Variants in TEC observed in about 807,000 individuals in gnomAD.
TEC encodes the protein tec protein tyrosine kinase.
Under a neutral mutation model 93.0 loss-of-function variants are expected in TEC, and 72 were observed. The ratio of observed to expected loss-of-function variants is 0.77; its 90% confidence interval spans 0.64 to 0.94. The LOEUF is 0.94. Among genes scored for constraint, TEC ranks in the 40% least tolerant of loss-of-function variants. The pLI is 0.00. For missense variants in TEC, 630 were observed against 757.9 expected, an observed-to-expected ratio of 0.83 and a Z score of 1.98; for synonymous variants, 249 against 247.7, an observed-to-expected ratio of 1.01 and a Z score of -0.05.
At chr4:48,190,920 AT>A (rs1722071740) in intron 2 of TEC, among the ~76,000 whole-genome samples, 1 of 152,228 alleles carries the variant, frequency 6.6e-6, no homozygotes, top group African/African-American at 2.4e-5. Flanking sequence ...ATACACAGCA[AT>A]TGACTATGCT....
At chr4:48,236,944 T>C (rs1363190569) in intron 1 of TEC, among the ~76,000 whole-genome samples, 1 of 152,238 alleles carries the variant, frequency 6.6e-6, no homozygotes, top group Non-Finnish European at 1.5e-5. Flanking sequence ...CCAATGGCCC[T>C]GATCTGATCA....
At chr4:48,183,446 G>A (rs1452864974) in intron 2 of TEC, among the ~76,000 whole-genome samples, 2 of 152,218 alleles carry the variant, frequency 1.3e-5, no homozygotes, top group Non-Finnish European at 2.9e-5. Flanking sequence ...TCAGCTGAGT[G>A]AGTAAAGAAG....
At chr4:48,172,868 T>C (rs551634838) in intron 3 of TEC, among the ~76,000 whole-genome samples, 51 of 152,290 alleles carry the variant, frequency 3.3e-4, no homozygotes, top group Non-Finnish European at 6.6e-4. Context: ...ACCAACTCTG[T>C]ACAGAAGGAA....
intron 1 of TEC, among the ~76,000 whole-genome samples, chr4:48,268,504 C>A (rs1364112118): frequency 6.6e-6 from 1 of 152,236 alleles, no homozygotes; most frequent in African/African-American, 2.4e-5. Context: ...CTAAAAAATA[C>A]TTTCAAATAC....
chr4:48,144,035 A>G (rs764100316), intron 14 of TEC, among the ~76,000 whole-genome samples: 5 of 152,066 alleles, frequency 3.3e-5, no homozygotes, highest in Non-Finnish European at 5.9e-5. Flanking sequence ...GACCAGTCTG[A>G]GCAACACGGT....
intron 1 of TEC, among the ~76,000 whole-genome samples, chr4:48,246,467 G>GAAAAA (rs34988086): frequency 7.5e-6 from 1 of 133,362 alleles, no homozygotes. Flanking sequence ...AAACTATCTT[G>GAAAAA]AAAAAAAAAA....
chr4:48,194,308 C>T (rs1722210496), intron 2 of TEC, among the ~76,000 whole-genome samples: 2 of 152,214 alleles, frequency 1.3e-5, no homozygotes, highest in South Asian at 4.1e-4. Context: ...GAGGCATGCA[C>T]ACAATTATGG....
At chr4:48,223,685 T>C (rs1428827633) in intron 2 of TEC, among the ~76,000 whole-genome samples, 2 of 152,194 alleles carry the variant, frequency 1.3e-5, no homozygotes, top group African/African-American at 4.8e-5. Flanking sequence ...GAGGCTGCTG[T>C]CCCAAGAAAG....
At chr4:48,193,568 T>C (rs932403799) in intron 2 of TEC, among the ~76,000 whole-genome samples, 2 of 152,218 alleles carry the variant, frequency 1.3e-5, no homozygotes, top group African/African-American at 2.4e-5. Context: ...TGGTTATCAT[T>C]GGATATGTTA....
Position 48,138,729 on chromosome 4 carries a change from C to T in TEC, c.1748G>A (p.Arg583Gln), listed in dbSNP as rs765971294. The change falls in exon 17 of 18, where the codon CGA (arginine) becomes CAA (glutamine). Residue 583 changes from arginine (R) to glutamine (Q), a missense_variant. Physicochemically the swap from Arg to Gln is conservative, Grantham distance 43. Transcript: ENST00000381501. ...GGACGCCAACTTCGGCTGGTAGAGT[C>T]GGTGGCCTCGAGTAACCATGGTTAC... ...EVVTMVTRGH[R>Q]LYQPKLASNY... The T allele has an allele frequency of 3.7e-6, 6 of 1,614,170 alleles. No individual in the cohort carries two copies. Among genetic ancestry groups the T allele is most frequent in the South Asian group, 3.3e-5 (3 of 91,080 alleles).
chr4:48,154,590 A>G (rs1720318517), intron 9 of TEC, among the ~76,000 whole-genome samples: 1 of 152,202 alleles, frequency 6.6e-6, no homozygotes, highest in Non-Finnish European at 1.5e-5. Flanking sequence ...TTGCTTAAGA[A>G]AAAGTAATTT....
chr4:48,158,917 T>C (rs1355536909), intron 8 of TEC, among the ~76,000 whole-genome samples: 1 of 152,172 alleles, frequency 6.6e-6, no homozygotes, highest in Non-Finnish European at 1.5e-5. Context: ...GGATGTTCCC[T>C]TCTTTGGGAT....
intron 9 of TEC, among the ~76,000 whole-genome samples, chr4:48,156,175 A>C (rs1720391217): frequency 6.6e-6 from 1 of 152,236 alleles, no homozygotes; most frequent in Non-Finnish European, 1.5e-5. Flanking sequence ...TTCAAGGTGT[A>C]GCGTGTAGGA....
chr4:48,207,090 A>T (rs1170163181), intron 2 of TEC, among the ~76,000 whole-genome samples: 1 of 152,222 alleles, frequency 6.6e-6, no homozygotes, highest in Non-Finnish European at 1.5e-5. Context: ...CTATGCCTTA[A>T]AGAATGTGTA....
chr4:48,217,640 C>G (rs761180287), intron 2 of TEC, among the ~76,000 whole-genome samples: 4 of 152,114 alleles, frequency 2.6e-5, no homozygotes, highest in Non-Finnish European at 5.9e-5. Flanking sequence ...AGCATTTCTT[C>G]CGTATTATCT....
chr4:48,174,050 T>C (rs1050188197), intron 3 of TEC, among the ~76,000 whole-genome samples: 2 of 152,276 alleles, frequency 1.3e-5, no homozygotes, highest in African/African-American at 4.8e-5. Context: ...ATACTTAAGT[T>C]ATAATAAGAG....
intron 2 of TEC, among the ~76,000 whole-genome samples, chr4:48,187,319 G>T (rs1200176264): frequency 6.6e-6 from 1 of 151,838 alleles, no homozygotes; most frequent in Non-Finnish European, 1.5e-5. Flanking sequence ...CCTCTGTCTA[G>T]GAAAACCAGA....
intron 1 of TEC, among the ~76,000 whole-genome samples, chr4:48,263,621 G>A (rs1345386474): frequency 6.6e-6 from 1 of 152,094 alleles, no homozygotes; most frequent in Non-Finnish European, 1.5e-5. Context: ...GGCTGACGCA[G>A]GAGAATCACT....
chr4:48,138,721 GGTA>G lies in TEC; in HGVS notation c.1753_1755del (p.Tyr585del). 6.2e-7 allele frequency: 1 copy of G among 1,614,124 alleles called. No individual in the cohort carries two copies. On this transcript the variant is annotated inframe_deletion, in exon 17 of 18. Transcript: ENST00000381501. ...ACATAGTTGGACGCCAACTTCGGCT[GGTA>G]GAGTCGGTGGCCTCGAGTAACCATG... is the stretch of plus-strand genomic sequence containing the variant.
Sources: allele counts gnomAD v4.1 joint callset (sites outside exome capture counted in the v4.1 genomes callset), GRCh38; gene constraint gnomAD v4.1.1; transcripts MANE v1.5; gene names NCBI Gene and HGNC (gene_info 2026-07-23, HGNC 2026-07-21).